The following ATP11B variants were observed in gnomAD, a reference collection of about 807,000 sequenced individuals.
ATP11B encodes ATPase phospholipid transporting 11B (putative), also known as phospholipid-transporting ATPase IF.
ATP11B carries 81 observed loss-of-function variants against 157.8 expected under a neutral mutation model. The ratio of observed to expected loss-of-function variants is 0.51; its 90% CI spans 0.43 to 0.62. The LOEUF is 0.62. ATP11B is among the 20% of genes least tolerant of loss of function. The pLI, the probability that ATP11B is intolerant of heterozygous loss-of-function variation, is 0.00. For missense variants in ATP11B, 1,165 were observed against 1,402.2 expected, an observed-to-expected ratio of 0.83 and a Z score of 2.70; for synonymous variants, 451 against 469.4, an observed-to-expected ratio of 0.96 and a Z score of 0.51.
intron 1 of ATP11B, among the ~76,000 whole-genome samples, chr3:182,800,782 T>C (rs1715949250): frequency 9.9e-6 from 1 of 101,148 alleles, no homozygotes; most frequent in African/African-American, 3.8e-5. Context: ...GCAAATTCTT[T>C]TGATTTTTTT....
intron 21 of ATP11B, among the ~76,000 whole-genome samples, chr3:182,882,288 A>G (rs949599961): frequency 2.0e-5 from 3 of 152,130 alleles, no homozygotes; most frequent in Non-Finnish European, 4.4e-5. Context: ...ATAAATTTTC[A>G]TAGCAATTTG....
At chr3:182,843,892 A>C (rs1719255025) in intron 8 of ATP11B, 1 of 152,252 alleles carries the variant, frequency 6.6e-6, no homozygotes, top group Non-Finnish European at 1.5e-5. Flanking sequence ...AATAAGCATT[A>C]ACATAGGAGC....
At chr3:182,904,566 T>G (rs1363878862) in intron 28 of ATP11B, among the ~76,000 whole-genome samples, 4 of 152,206 alleles carry the variant, frequency 2.6e-5, no homozygotes, top group Admixed American at 2.6e-4. Context: ...TTTAAGAGCT[T>G]TTTAATCTTT....
intron 9 of ATP11B, 129 bp from the exon 10 acceptor site, chr3:182,848,345 ACT>A (rs1403095362): frequency 2.3e-6 from 1 of 443,388 alleles, no homozygotes; most frequent in Admixed American, 4.6e-5. Flanking sequence ...CTCTGAAAAT[ACT>A]TAAAGAAAAG....
At chr3:182,866,645 T>G (rs1298386628) in intron 14 of ATP11B, among the ~76,000 whole-genome samples, 2 of 146,126 alleles carry the variant, frequency 1.4e-5, no homozygotes, top group East Asian at 3.9e-4. Flanking sequence ...GCATTGAGTC[T>G]TTTTTTAAGA....
chr3:182,893,419 T>C (rs1448427309), intron 25 of ATP11B, among the ~76,000 whole-genome samples: 1 of 152,118 alleles, frequency 6.6e-6, no homozygotes, highest in East Asian at 1.9e-4. Flanking sequence ...TAGCTTCCAC[T>C]TATGAGTGAG....
intron 17 of ATP11B, 67 bp from the exon 18 acceptor site, chr3:182,872,289 A>G (rs1721721066): frequency 8.5e-7 from 1 of 1,177,720 alleles, no homozygotes; most frequent in Admixed American, 2.2e-5. Context: ...TTTGATAGTG[A>G]CTTCTTGATT....
chr3:182,890,583 C>T (rs1439810922), intron 25 of ATP11B, among the ~76,000 whole-genome samples: 2 of 152,042 alleles, frequency 1.3e-5, no homozygotes, highest in African/African-American at 4.8e-5. Flanking sequence ...ATCCCTTTAC[C>T]TTATAGAGTA....
In ATP11B at chr3:182,884,515, T is replaced by G. The variant is rs140729463; in HGVS notation, c.2510-238T>G. Among the ~76,000 whole-genome samples, 266 of 152,230 alleles carry G rather than the reference T, an allele frequency of 1.7e-3. 2 individuals carry two copies. The highest frequency in any genetic ancestry group is 0.016 in the Admixed American group (252 of 15,286). On this transcript the variant is annotated intron_variant, in intron 21 of 29. Transcript: ENST00000323116. ...TCAATATTATTTTTTATATTGTATTTTATCTTTTTATATTCTAATTCTTTG... is the reference window on the plus strand; with the variant it reads ...TCAATATTATTTTTTATATTGTATTGTATCTTTTTATATTCTAATTCTTTG...
In ATP11B at chr3:182,866,430, G is replaced by C. The variant is rs559814625; in HGVS notation, c.1606G>C (p.Glu536Gln). The change falls in exon 14 of 30, where the codon GAA (glutamate) becomes CAA (glutamine). Residue 536 changes from glutamate (E) to glutamine (Q), a missense_variant. Transcript: ENST00000323116. Reference sequence around the variant, plus strand: ...TTCACCAGATGAAAAGGCTCTAGTAGAAGCTGCTGCAAGGTAATTTAGTCT... The same window carrying C: ...TTCACCAGATGAAAAGGCTCTAGTACAAGCTGCTGCAAGGTAATTTAGTCT... Reference protein sequence around the residue: ...ASSPDEKALVEAAARIGIVFI... With the variant: ...ASSPDEKALVQAAARIGIVFI... The C allele has an allele frequency of 6.2e-7, 1 of 1,604,558 alleles. No homozygotes were observed. The highest frequency in any genetic ancestry group is 2.2e-5 in the East Asian group (1 of 44,676).
At chr3:182,820,402 G>C in intron 2 of ATP11B, 26 bp downstream of exon 2, 1 of 1,494,026 alleles carries the variant, frequency 6.7e-7, no homozygotes, top group Non-Finnish European at 9.3e-7. Context: ...TTTATTGTTA[G>C]GCCAGGTGCA....
chr3:182,838,158 T>C (rs1013644389), intron 7 of ATP11B, among the ~76,000 whole-genome samples: 1 of 152,086 alleles, frequency 6.6e-6, no homozygotes, highest in Admixed American at 6.5e-5. Flanking sequence ...AAAAATTGTA[T>C]ACTTTCATCA....
chr3:182,846,612 T>A (rs1180967181), intron 9 of ATP11B, among the ~76,000 whole-genome samples: 1 of 152,206 alleles, frequency 6.6e-6, no homozygotes, highest in Non-Finnish European at 1.5e-5. Flanking sequence ...AAATATGGTA[T>A]ATCCATATAA....
chr3:182,908,678 T>C (rs572280589), intron 28 of ATP11B, among the ~76,000 whole-genome samples: 7 of 152,330 alleles, frequency 4.6e-5, no homozygotes, highest in African/African-American at 1.7e-4. Context: ...AAACAGGCCT[T>C]GAGTAAGATA....
chr3:182,874,124 C>A, intron 19 of ATP11B, 109 bp downstream of exon 19: 1 of 893,604 alleles, frequency 1.1e-6, no homozygotes, highest in Non-Finnish European at 1.7e-6. Context: ...AGCCTATCAG[C>A]TAAAAGTAGT....
intron 2 of ATP11B, among the ~76,000 whole-genome samples, chr3:182,823,595 C>A (rs1325586023): frequency 6.6e-6 from 1 of 152,036 alleles, no homozygotes; most frequent in Non-Finnish European, 1.5e-5. Context: ...CTTGGCAATG[C>A]GGGCTCTTTT....
intron 19 of ATP11B, among the ~76,000 whole-genome samples, chr3:182,874,814 A>G (rs1265472805): frequency 6.6e-6 from 1 of 152,152 alleles, no homozygotes; most frequent in African/African-American, 2.4e-5. Flanking sequence ...AAAAAATTAT[A>G]CTCAATGATT....
At chr3:182,803,366 G>C (rs1441883256) in intron 1 of ATP11B, among the ~76,000 whole-genome samples, 2 of 152,042 alleles carry the variant, frequency 1.3e-5, no homozygotes, top group African/African-American at 2.4e-5. Flanking sequence ...TTTTCCATTG[G>C]GTAGTTTGGC....
At chr3:182,866,930 TA>T (rs199917176) in intron 14 of ATP11B, among the ~76,000 whole-genome samples, 1,917 of 93,746 alleles carry the variant, frequency 0.02, 40 homozygotes, top group African/African-American at 0.053. Flanking sequence ...AATATATATA[TA>T]TTTTTTTTTC....
Sources: allele counts gnomAD v4.1 joint callset (sites outside exome capture counted in the v4.1 genomes callset), GRCh38; gene constraint gnomAD v4.1.1; transcripts MANE v1.5; gene names NCBI Gene and HGNC (gene_info 2026-07-23, HGNC 2026-07-21).